The following SDK1 variants were observed in gnomAD, a reference collection of about 807,000 sequenced individuals.
The protein encoded by SDK1 is sidekick cell adhesion molecule 1, also known as protein sidekick-1.
In SDK1, 157 loss-of-function variants were observed where a neutral mutation model predicts 245.5. The observed-to-expected ratio is 0.64, with a 90% CI of 0.56 to 0.73. The LOEUF (loss-of-function observed/expected upper bound fraction) is 0.73. Among genes scored for constraint, SDK1 ranks in the 30% least tolerant of loss-of-function variants. The pLI is 0.00. For missense variants in SDK1, 3,583 were observed against 3,002.3 expected, an observed-to-expected ratio of 1.19 and a Z score of -4.52; for synonymous variants, 1,647 against 1,278.5, an observed-to-expected ratio of 1.29 and a Z score of -6.15.
intron 4 of SDK1, among the ~76,000 whole-genome samples, chr7:3,672,988 AT>A (rs1487760247): frequency 2.7e-5 from 4 of 149,822 alleles, no homozygotes; most frequent in Non-Finnish European, 1.5e-5. Flanking sequence ...CCTTTTTTCT[AT>A]TTTTTTTAAA....
chr7:3,919,882 A>C (rs578074585), intron 5 of SDK1, among the ~76,000 whole-genome samples: 4 of 152,194 alleles, frequency 2.6e-5, no homozygotes, highest in African/African-American at 4.8e-5. Context: ...TCTGAGGAAG[A>C]GACCAGCAAA....
chr7:3,698,215 C>T (rs1470841855), intron 4 of SDK1, among the ~76,000 whole-genome samples: 2 of 152,136 alleles, frequency 1.3e-5, no homozygotes, highest in Non-Finnish European at 2.9e-5. Flanking sequence ...AAAACTGTGG[C>T]CATATTCACA....
rs114347377 is a variant in SDK1 at position 4,161,925 on chromosome 7, C to T, written c.4800+69C>T. 1.4e-3 allele frequency: 1,933 copies of T among 1,361,740 alleles called. 22 individuals are homozygous for T. In the African/African-American group the frequency reaches 0.023, roughly 16 times the overall value. 84.4% of individuals were successfully genotyped at this position (1,361,740 alleles called of 1,614,324 possible). A position where few individuals can be genotyped will look rare whatever the true frequency, so the allele number is the denominator to read the frequency against. ...CATTTCCCTGCGCATTCAGCCACAA[C>T]GGCTGACATGGACTGCAAGCTGAGC... is the stretch of plus-strand genomic sequence containing the variant. On this transcript the variant is annotated intron_variant, in intron 32 of 44. Coordinates refer to ENST00000404826, the MANE Select transcript of SDK1 (RefSeq NM_152744.4).
intron 4 of SDK1, among the ~76,000 whole-genome samples, chr7:3,695,829 C>G (rs1051604958): frequency 1.3e-5 from 2 of 152,188 alleles, no homozygotes; most frequent in Non-Finnish European, 1.5e-5. Flanking sequence ...GGAAGACCAG[C>G]AGTGTAATCA....
intron 1 of SDK1, among the ~76,000 whole-genome samples, chr7:3,544,132 C>G (rs1363564390): frequency 6.6e-6 from 1 of 152,178 alleles, no homozygotes; most frequent in Admixed American, 6.5e-5. Flanking sequence ...CTTATAGCAT[C>G]AATTTCATTT....
At chr7:3,527,454 GT>G (rs981676376) in intron 1 of SDK1, among the ~76,000 whole-genome samples, 2 of 152,204 alleles carry the variant, frequency 1.3e-5, no homozygotes, top group African/African-American at 4.8e-5. Context: ...ATGAAGGGCA[GT>G]TTAGGGAAGG....
At chr7:3,951,949 C>T (rs1780867580) in intron 7 of SDK1, 29 bp downstream of exon 7, 22 of 1,590,096 alleles carry the variant, frequency 1.4e-5, no homozygotes, top group Non-Finnish European at 1.8e-5. Context: ...AGTGGTGTTG[C>T]CAGCATCTCA....
Position 4,265,320 on chromosome 7 carries a change from G to T in SDK1, c.6578G>T (p.Gly2193Val), listed in dbSNP as rs778895826. 1.3e-6 allele frequency: 2 copies of T among 1,540,098 alleles called. No individual in the cohort carries two copies. Among genetic ancestry groups the T allele is most frequent in the East Asian group, 2.4e-5 (1 of 42,068 alleles). Residue 2193 changes from glycine (G) to valine (V), a missense_variant, in exon 45 of 45, where the codon GGC (glycine) becomes GTC (valine). Coordinates refer to ENST00000404826, the MANE Select transcript of SDK1 (RefSeq NM_152744.4). Reference sequence around the variant, plus strand: ...GTCATCACCACGCAGAGCGCGGGCGGCGTCTACACCCCCGCTGGCCCCGGC... The same window carrying T: ...GTCATCACCACGCAGAGCGCGGGCGTCGTCTACACCCCCGCTGGCCCCGGC... ...HPVITTQSAG[G>V]VYTPAGPGAR...
Position 3,692,862 on chromosome 7 carries a change from T to C in SDK1, c.713+50757T>C, listed in dbSNP as rs17133664. Among the ~76,000 whole-genome samples the C allele has an allele frequency of 3.2e-3, 482 of 152,178 alleles. 3 individuals carry two copies. Among genetic ancestry groups the C allele is most frequent in the African/African-American group, 0.011 (460 of 41,544 alleles). On this transcript the variant is annotated intron_variant, in intron 4 of 44. Coordinates refer to ENST00000404826, the MANE Select transcript of SDK1 (RefSeq NM_152744.4). ...TACGTATCCTTGGCACCATCGAGTA[T>C]TGCACTGGCAAATACATTTCTATTT...
intron 5 of SDK1, among the ~76,000 whole-genome samples, chr7:3,867,691 A>T (rs1169470039): frequency 6.6e-6 from 1 of 152,194 alleles, no homozygotes; most frequent in East Asian, 1.9e-4. Context: ...CCCACAATAC[A>T]TGGGAATTCA....
chr7:3,432,525 T>G (rs1779884458), intron 1 of SDK1, among the ~76,000 whole-genome samples: 1 of 152,180 alleles, frequency 6.6e-6, no homozygotes, highest in African/African-American at 2.4e-5. Flanking sequence ...TTGTTATATA[T>G]TCATGTTGAA....
At chr7:3,893,572 C>T (rs552002241) in intron 5 of SDK1, among the ~76,000 whole-genome samples, 2 of 152,088 alleles carry the variant, frequency 1.3e-5, no homozygotes, top group South Asian at 2.1e-4. Context: ...CTCCAGCATT[C>T]TGTAGATGTC....
intron 5 of SDK1, among the ~76,000 whole-genome samples, chr7:3,888,900 G>C (rs527743277): frequency 8.5e-5 from 13 of 152,294 alleles, no homozygotes; most frequent in Middle Eastern, 3.4e-3. Context: ...GTTAATCTAT[G>C]TGTCTAAAAA....
chr7:4,010,234 G>T (rs1431278803), intron 14 of SDK1, among the ~76,000 whole-genome samples: 1 of 152,228 alleles, frequency 6.6e-6, no homozygotes, highest in Admixed American at 6.5e-5. Context: ...TCATTCCAGG[G>T]CATCAGTCTA....
chr7:4,132,189 T>G (rs910835248), intron 27 of SDK1, 136 bp from the exon 28 acceptor site: 1 of 635,246 alleles, frequency 1.6e-6, no homozygotes. Flanking sequence ...TCCAAAACTT[T>G]AGGGGGTTCT....
At chr7:4,209,971 A>G (rs1784427744) in intron 37 of SDK1, 54 bp from the exon 38 acceptor site, 1 of 1,423,094 alleles carries the variant, frequency 7.0e-7, no homozygotes, top group Non-Finnish European at 9.3e-7. Context: ...ACATGTATGT[A>G]TATGATCTAT....
At chr7:3,649,075 A>G (rs1782931224) in intron 4 of SDK1, among the ~76,000 whole-genome samples, 1 of 151,996 alleles carries the variant, frequency 6.6e-6, no homozygotes, top group South Asian at 2.1e-4. Flanking sequence ...CTTGCCAGGG[A>G]CAGAAAGGGG....
intron 1 of SDK1, among the ~76,000 whole-genome samples, chr7:3,377,473 G>A (rs1418483863): frequency 1.3e-5 from 2 of 152,110 alleles, no homozygotes; most frequent in East Asian, 3.9e-4. Flanking sequence ...CTGTTTGGGT[G>A]GGGAAAGCTG....
chr7:3,343,555 G>A lies in SDK1; in HGVS notation c.298+41671G>A, dbSNP rs138918548. 5.5e-3 allele frequency among the ~76,000 whole-genome samples: 838 copies of A among 152,258 alleles called. 4 individuals carry two copies. Among genetic ancestry groups the A allele is most frequent in the Admixed American group, 8.3e-3 (127 of 15,292 alleles). ...AAGAGTGACATGTGGGATCCTTGTG[G>A]TGGTGGAAATACTCTATCTTGGCTG... On this transcript the variant is annotated intron_variant, in intron 1 of 44. Transcript: ENST00000404826.
Sources: allele counts gnomAD v4.1 joint callset (sites outside exome capture counted in the v4.1 genomes callset), GRCh38; gene constraint gnomAD v4.1.1; transcripts MANE v1.5; gene names NCBI Gene and HGNC (gene_info 2026-07-23, HGNC 2026-07-21).